Variants in MAST4 observed in about 807,000 individuals in gnomAD.
The protein encoded by MAST4 is microtubule-associated serine/threonine-protein kinase 4.
MAST4 carries 89 observed loss-of-function variants against 162.7 expected under a neutral mutation model. The observed-to-expected ratio is 0.55, with a 90% confidence interval of 0.46 to 0.65. The LOEUF is 0.65. Ranked by LOEUF, MAST4 falls within the 30% of genes least tolerant of loss-of-function variation. MAST4 has a pLI of 0.00. For missense variants in MAST4, 3,153 were observed against 3,374.0 expected, an observed-to-expected ratio of 0.93 and a Z score of 1.62; for synonymous variants, 1,479 against 1,361.1, an observed-to-expected ratio of 1.09 and a Z score of -1.91.
rs1232939668 is a variant in MAST4, at chr5:67,167,023, G to C, written c.7844G>C (p.Arg2615Pro). 3.8e-6 allele frequency: 6 copies of C among 1,597,510 alleles called. No individual in the cohort carries two copies. The African/African-American group carries it at 5.4e-5, about 14-fold the overall frequency. The change falls in exon 29 of 29, where the codon CGT (arginine) becomes CCT (proline). Residue 2615 changes from arginine (R) to proline (P), a missense_variant. Physicochemically the swap from Arg to Pro is moderately radical, Grantham distance 103. Coordinates refer to ENST00000403625, the MANE Select transcript of MAST4 (RefSeq NM_001164664.2). ...CAGAGGCGGGGGAAAGAGAGTTTGC[G>C]TAGCAGCCCTCACAAAAAGGCCTTG... is the stretch of plus-strand genomic sequence containing the variant. ...VRQRRGKESL[R>P]SSPHKKAL is the part of the protein sequence containing the mutation.
At chr5:66,738,586 T>C (rs2149568523) in intron 1 of MAST4, among the ~76,000 whole-genome samples, 1 of 152,180 alleles carries the variant, frequency 6.6e-6, no homozygotes, top group Non-Finnish European at 1.5e-5. Context: ...AAATGTGCAG[T>C]GTGTTAGGTG....
intron 1 of MAST4, among the ~76,000 whole-genome samples, chr5:66,669,004 C>T (rs1306422059): frequency 6.6e-6 from 1 of 152,160 alleles, no homozygotes; most frequent in Non-Finnish European, 1.5e-5. Flanking sequence ...ATCCAGAGCT[C>T]TAAAAATAAG....
chr5:67,077,248 G>T (rs1439320990), intron 5 of MAST4, among the ~76,000 whole-genome samples: 2 of 152,004 alleles, frequency 1.3e-5, no homozygotes, highest in Non-Finnish European at 2.9e-5. Context: ...ATGCACACTG[G>T]AGTCACCTGG....
chr5:66,726,085 G>C (rs1751499708), intron 1 of MAST4, among the ~76,000 whole-genome samples: 1 of 151,882 alleles, frequency 6.6e-6, no homozygotes, highest in Admixed American at 6.6e-5. Context: ...AGTAATAAGG[G>C]GAAAAAAGAG....
At chr5:66,667,597 A>G (rs927076337) in intron 1 of MAST4, among the ~76,000 whole-genome samples, 1 of 152,176 alleles carries the variant, frequency 6.6e-6, no homozygotes, top group African/African-American at 2.4e-5. Flanking sequence ...TTGGTCGCCA[A>G]TTCTCACCTA....
chr5:66,966,179 C>G (rs765227653), intron 4 of MAST4, among the ~76,000 whole-genome samples: 21 of 152,320 alleles, frequency 1.4e-4, no homozygotes, highest in Non-Finnish European at 2.9e-4. Context: ...AGTCTCAAAT[C>G]TTTCCACTGT....
chr5:66,967,566 A>G (rs1053466982), intron 4 of MAST4, among the ~76,000 whole-genome samples: 9 of 152,078 alleles, frequency 5.9e-5, no homozygotes, highest in South Asian at 4.2e-4. Context: ...TCATCAGACC[A>G]TCAGGAAGGC....
rs553126825 is a variant in MAST4, at chr5:66,867,838, T to C, written c.643-32113T>C. Among the ~76,000 whole-genome samples the C allele has an allele frequency of 2.0e-5, 3 of 152,316 alleles. No homozygotes were observed. In the South Asian group the frequency reaches 6.2e-4, roughly 32 times the overall value. ...GGGCTTGCCCAGATCTAATTTGTTA[T>C]TTTGCTGATGTTGATGGCATTAACC... On this transcript the variant is annotated intron_variant, in intron 3 of 28. Coordinates refer to ENST00000403625, the MANE Select transcript of MAST4 (RefSeq NM_001164664.2).
Position 66,729,890 on chromosome 5 carries a change from C to T in MAST4, c.364-29819C>T, listed in dbSNP as rs116594655. On this transcript the variant is annotated intron_variant, in intron 1 of 28. Coordinates refer to ENST00000403625, the MANE Select transcript of MAST4 (RefSeq NM_001164664.2). Reference sequence around the variant, plus strand: ...AGCCTGAATGATTTATTGCAAGCCACGGATGCCAAGAGAATGTTTTGCATT... The same window carrying T: ...AGCCTGAATGATTTATTGCAAGCCATGGATGCCAAGAGAATGTTTTGCATT... Among the ~76,000 whole-genome samples the T allele has an allele frequency of 2.9e-3, 438 of 152,264 alleles. 2 individuals carry two copies. The highest frequency in any genetic ancestry group is 1.0e-2 in the African/African-American group (414 of 41,550).
intron 4 of MAST4, among the ~76,000 whole-genome samples, chr5:67,024,544 T>A (rs2150402953): frequency 6.6e-6 from 1 of 152,082 alleles, no homozygotes; most frequent in Non-Finnish European, 1.5e-5. Context: ...AAGGATTGCG[T>A]TATCTTCATC....
intron 14 of MAST4, among the ~76,000 whole-genome samples, chr5:67,124,432 C>G (rs1767957543): frequency 6.6e-6 from 1 of 152,262 alleles, no homozygotes; most frequent in Non-Finnish European, 1.5e-5. Flanking sequence ...CTCTCTCTCT[C>G]TCTGTGCTAA....
intron 5 of MAST4, among the ~76,000 whole-genome samples, chr5:67,060,104 A>G (rs1280002248): frequency 1.3e-5 from 2 of 152,160 alleles, no homozygotes; most frequent in African/African-American, 4.8e-5. Context: ...CATTTTTTAA[A>G]CAGAATATCT....
At chr5:67,149,333 C>T in intron 23 of MAST4, 56 bp from the exon 24 acceptor site, 1 of 1,505,920 alleles carries the variant, frequency 6.6e-7, no homozygotes, top group East Asian at 2.4e-5. Context: ...TCCCGTCTTC[C>T]CACCTCTCCT....
At chr5:67,035,905 C>G (rs1477340192) in intron 4 of MAST4, among the ~76,000 whole-genome samples, 3 of 152,052 alleles carry the variant, frequency 2.0e-5, no homozygotes, top group Non-Finnish European at 4.4e-5. Flanking sequence ...TATGGGGAGG[C>G]CAGACACCAC....
intron 4 of MAST4, among the ~76,000 whole-genome samples, chr5:66,939,749 T>G (rs562210179): frequency 2.0e-5 from 3 of 150,994 alleles, no homozygotes; most frequent in Non-Finnish European, 4.4e-5. Flanking sequence ...GGGTTTTTGT[T>G]TTTTTTTTTC....
At chr5:67,099,501 T>TA (rs543464979) in intron 7 of MAST4, among the ~76,000 whole-genome samples, 4 of 152,046 alleles carry the variant, frequency 2.6e-5, no homozygotes, top group East Asian at 1.9e-4. Flanking sequence ...TAATGATTTT[T>TA]AAAAAAAATG....
intron 4 of MAST4, among the ~76,000 whole-genome samples, chr5:66,959,895 C>T (rs899949364): frequency 6.6e-6 from 1 of 151,872 alleles, no homozygotes; most frequent in Non-Finnish European, 1.5e-5. Flanking sequence ...CATCTGACTG[C>T]CTTGTGATGT....
At chr5:67,015,637 A>G (rs933657350) in intron 4 of MAST4, among the ~76,000 whole-genome samples, 3 of 152,222 alleles carry the variant, frequency 2.0e-5, no homozygotes, top group Admixed American at 1.3e-4. Flanking sequence ...CGAAGGCTAT[A>G]TATCTCCACT....
In MAST4 at chr5:66,735,794, C is replaced by A. The variant is rs566297842; in HGVS notation, c.364-23915C>A. On this transcript the variant is annotated intron_variant, in intron 1 of 28. Transcript: ENST00000403625. ...GCTAGGTTTATCACTGTACCCTCAC[C>A]CCCATTTGTGGTGTAATGTCATAAC... Among the ~76,000 whole-genome samples the A allele has an allele frequency of 3.3e-5, 5 of 152,224 alleles. No individual in the cohort carries two copies. The East Asian group carries it at 9.7e-4, about 29-fold the overall frequency.
Sources: allele counts gnomAD v4.1 joint callset (sites outside exome capture counted in the v4.1 genomes callset), GRCh38; gene constraint gnomAD v4.1.1; transcripts MANE v1.5; gene names NCBI Gene and HGNC (gene_info 2026-07-23, HGNC 2026-07-21).